The following SLC39A12 variants were observed in gnomAD, a reference collection of about 807,000 sequenced individuals.
SLC39A12 encodes zinc transporter ZIP12.
In SLC39A12, 63 loss-of-function variants were observed where a neutral mutation model predicts 71.1. That is an observed-to-expected ratio of 0.89 (90% CI 0.72 to 1.09). The LOEUF is 1.09. Ranked by LOEUF, SLC39A12 falls within the 50% of genes least tolerant of loss-of-function variation. SLC39A12 has a pLI of 0.00. For synonymous variants in SLC39A12, 351 were observed against 301.3 expected, an observed-to-expected ratio of 1.16 and a Z score of -1.71; for missense variants, 892 against 812.6, an observed-to-expected ratio of 1.10 and a Z score of -1.19.
chr10:17,963,080 G>T (rs1554848587), intron 3 of SLC39A12, among the ~76,000 whole-genome samples: 1 of 152,050 alleles, frequency 6.6e-6, no homozygotes, highest in South Asian at 2.1e-4. Flanking sequence ...AGGATGGCTT[G>T]TGCCCAGGAG....
chr10:18,020,484 C>A (rs1836505191), intron 12 of SLC39A12, among the ~76,000 whole-genome samples: 1 of 151,954 alleles, frequency 6.6e-6, no homozygotes, highest in Non-Finnish European at 1.5e-5. Context: ...ATATATATAG[C>A]CAGTAATGGG....
At chr10:18,026,557 C>A (rs1037988052) in intron 12 of SLC39A12, among the ~76,000 whole-genome samples, 1 of 152,042 alleles carries the variant, frequency 6.6e-6, no homozygotes, top group Non-Finnish European at 1.5e-5. Flanking sequence ...CTTCCTATAC[C>A]TATAATTTAG....
At chr10:18,002,256 C>T (rs150621004) in intron 11 of SLC39A12, 6 of 152,158 alleles carry the variant, frequency 3.9e-5, no homozygotes, top group African/African-American at 1.4e-4. Context: ...AAACGCTTGC[C>T]CTCTTGTGCT....
At chr10:17,983,381 G>A (rs1016194546) in intron 6 of SLC39A12, among the ~76,000 whole-genome samples, 1 of 151,918 alleles carries the variant, frequency 6.6e-6, no homozygotes, top group African/African-American at 2.4e-5. Context: ...TCAGATACTT[G>A]GGGGGCTGAG....
intron 12 of SLC39A12, among the ~76,000 whole-genome samples, chr10:18,036,785 TATATA>T (rs1358606161): frequency 0.014 from 171 of 12,550 alleles, 12 homozygotes; most frequent in African/African-American, 0.041. Flanking sequence ...TATATATATA[TATATA>T]TATATTTTTT....
At chr10:17,978,284 A>G (rs1290797658) in intron 5 of SLC39A12, among the ~76,000 whole-genome samples, 1 of 152,236 alleles carries the variant, frequency 6.6e-6, no homozygotes, top group African/African-American at 2.4e-5. Context: ...ATATAGGGGA[A>G]TGAAATATAT....
At chr10:17,971,289 C>G (rs1375628808) in intron 4 of SLC39A12, among the ~76,000 whole-genome samples, 1 of 123,994 alleles carries the variant, frequency 8.1e-6, no homozygotes, top group Non-Finnish European at 1.7e-5. Flanking sequence ...CCCCTCCCCT[C>G]CCCTCCCCTT....
chr10:18,021,357 A>G (rs1257512654), intron 12 of SLC39A12, among the ~76,000 whole-genome samples: 2 of 151,908 alleles, frequency 1.3e-5, no homozygotes, highest in Admixed American at 1.3e-4. Flanking sequence ...ACCTTTTATC[A>G]TTATGTAATG....
intron 2 of SLC39A12, among the ~76,000 whole-genome samples, chr10:17,958,264 C>T (rs1270912793): frequency 1.3e-5 from 2 of 152,234 alleles, no homozygotes; most frequent in Admixed American, 1.3e-4. Flanking sequence ...TGCTCATACA[C>T]CAAGCCCTGC....
intron 2 of SLC39A12, among the ~76,000 whole-genome samples, chr10:17,953,889 T>G (rs1696706509): frequency 6.6e-6 from 1 of 152,254 alleles, no homozygotes; most frequent in South Asian, 2.1e-4. Context: ...TAGTTTTAGT[T>G]GCTATTTGTT....
chr10:18,006,223 T>C (rs1263021760), intron 12 of SLC39A12, among the ~76,000 whole-genome samples: 1 of 152,218 alleles, frequency 6.6e-6, no homozygotes, highest in Admixed American at 6.5e-5. Context: ...GGGTGTGTTA[T>C]TTCAAACTCC....
At chr10:17,962,636 A>T (rs1240864315) in intron 3 of SLC39A12, among the ~76,000 whole-genome samples, 1 of 151,936 alleles carries the variant, frequency 6.6e-6, no homozygotes, top group Admixed American at 6.6e-5. Context: ...AATTATTCAT[A>T]AACATGTATA....
rs1189999450 is a variant in SLC39A12, at chr10:17,971,521, T to C, written c.751+5831T>C. Among the ~76,000 whole-genome samples, 3 of 152,116 alleles carry C rather than the reference T, an allele frequency of 2.0e-5. No homozygotes were observed. The East Asian group carries it at 5.8e-4, about 29-fold the overall frequency. On this transcript the variant is annotated intron_variant, in intron 4 of 12. Coordinates refer to ENST00000377369, the MANE Select transcript of SLC39A12 (RefSeq NM_001145195.2). ...TGGCTTTAATCTCATCACTCGTTAT[T>C]GGACTGTTCAGTTTTTGGATTTCTT... is the stretch of plus-strand genomic sequence containing the variant.
intron 3 of SLC39A12, among the ~76,000 whole-genome samples, chr10:17,964,988 C>G (rs569219840): frequency 6.6e-6 from 1 of 152,146 alleles, no homozygotes; most frequent in Non-Finnish European, 1.5e-5. Flanking sequence ...AGGTGGAACA[C>G]CTGAGGTCAG....
At chr10:17,963,900 T>C (rs1834756248) in intron 3 of SLC39A12, among the ~76,000 whole-genome samples, 1 of 152,156 alleles carries the variant, frequency 6.6e-6, no homozygotes, top group South Asian at 2.1e-4. Context: ...CCCTAATGGC[T>C]CAGAAAGCAA....
chr10:17,985,043 A>G (rs1835365497), intron 6 of SLC39A12, among the ~76,000 whole-genome samples: 1 of 152,182 alleles, frequency 6.6e-6, no homozygotes, highest in African/African-American at 2.4e-5. Flanking sequence ...GTTACCAGTT[A>G]TATTATTAAA....
intron 12 of SLC39A12, among the ~76,000 whole-genome samples, chr10:18,017,435 A>T (rs998298061): frequency 6.6e-6 from 1 of 152,058 alleles, no homozygotes; most frequent in Admixed American, 6.6e-5. Flanking sequence ...CAGCCTCCTG[A>T]GTAGCTAGGA....
intron 12 of SLC39A12, among the ~76,000 whole-genome samples, chr10:18,034,071 G>T (rs377158254): frequency 6.6e-6 from 1 of 150,806 alleles, no homozygotes; most frequent in African/African-American, 2.4e-5. Context: ...TTACTTCCAA[G>T]TATGTGGTCA....
intron 12 of SLC39A12, among the ~76,000 whole-genome samples, chr10:18,029,839 T>G (rs979183175): frequency 4.0e-5 from 6 of 151,146 alleles, no homozygotes; most frequent in African/African-American, 9.7e-5. Flanking sequence ...CTCTTGAAAA[T>G]TAATTCATAT....
Sources: allele counts gnomAD v4.1 joint callset (sites outside exome capture counted in the v4.1 genomes callset), GRCh38; gene constraint gnomAD v4.1.1; transcripts MANE v1.5; gene names NCBI Gene and HGNC (gene_info 2026-07-23, HGNC 2026-07-21).